The following PTBP3 variants were observed in gnomAD, a reference collection of about 807,000 sequenced individuals.
The protein encoded by PTBP3 is polypyrimidine tract binding protein 3, also known as polypyrimidine tract-binding protein 3.
Under a neutral mutation model 58.7 loss-of-function variants are expected in PTBP3, and 20 were observed. The observed-to-expected ratio is 0.34, with a 90% CI of 0.24 to 0.50. The LOEUF is 0.50. PTBP3 is among the 20% of genes least tolerant of loss of function. The pLI, the probability that PTBP3 is intolerant of heterozygous loss-of-function variation, is 0.98. For missense variants in PTBP3, 509 were observed against 637.2 expected, an observed-to-expected ratio of 0.80 and a Z score of 2.17; for synonymous variants, 185 against 219.8, an observed-to-expected ratio of 0.84 and a Z score of 1.40.
chr9:112,307,487 A>G (rs1829270601), intron 1 of PTBP3, among the ~76,000 whole-genome samples: 2 of 152,272 alleles, frequency 1.3e-5, no homozygotes, highest in South Asian at 4.2e-4. Flanking sequence ...AAGATCATAA[A>G]GTTTCATTCC....
rs551817563 is a variant in PTBP3 at position 112,241,394 on chromosome 9, T to C, written c.803-6497A>G. 1.2e-4 allele frequency among the ~76,000 whole-genome samples: 18 copies of C among 152,308 alleles called. No individual in the cohort carries two copies. The East Asian group carries it at 3.5e-3, about 29-fold the overall frequency. ...GCTGGGATTACAGGGTGAGCCACCA[T>C]GCCTGGGCAAGCTAAGGCTAATTTA... On this transcript the variant is annotated intron_variant, in intron 7 of 13. Coordinates refer to ENST00000374257, the MANE Select transcript of PTBP3 (RefSeq NM_001163788.4).
At position 112,227,704 on chromosome 9, in the gene PTBP3, A is replaced by G; in HGVS notation, c.1148-77T>C. ...AGTAGTATCTGACAACATTACCATA[A>G]ATTATTTTTATGTAGTTATTTAAAA... On this transcript the variant is annotated intron_variant, in intron 11 of 13. Coordinates refer to ENST00000374257, the MANE Select transcript of PTBP3 (RefSeq NM_001163788.4). 3 of 1,110,130 alleles carry G rather than the reference A, an allele frequency of 2.7e-6. No individual in the cohort carries two copies. In the South Asian group the frequency reaches 4.0e-5, roughly 15 times the overall value. 68.8% of individuals were successfully genotyped at this position (1,110,130 alleles called of 1,614,324 possible). A position where few individuals can be genotyped will look rare whatever the true frequency, so the allele number is the denominator to read the frequency against.
At chr9:112,285,648 CAAAT>C (rs1828079008) in intron 2 of PTBP3, among the ~76,000 whole-genome samples, 1 of 152,178 alleles carries the variant, frequency 6.6e-6, no homozygotes, top group Admixed American at 6.5e-5. Flanking sequence ...CAGCTATAAA[CAAAT>C]AATATAACTG....
intron 1 of PTBP3, among the ~76,000 whole-genome samples, chr9:112,321,364 A>G (rs1829940054): frequency 6.6e-6 from 1 of 151,740 alleles, no homozygotes; most frequent in African/African-American, 2.4e-5. Flanking sequence ...CCTTGTCTCT[A>G]TTAAAAATAT....
At chr9:112,326,488 CAAGCAAACAGA>C (rs1830162397) in intron 1 of PTBP3, among the ~76,000 whole-genome samples, 1 of 152,200 alleles carries the variant, frequency 6.6e-6, no homozygotes. Context: ...AACCCTTGGT[CAAGCAAACAGA>C]AAACTAATCC....
chr9:112,320,314 A>ATATATATATATATATTTTTTTT, intron 1 of PTBP3, among the ~76,000 whole-genome samples: 16 of 75,676 alleles, frequency 2.1e-4, no homozygotes, highest in South Asian at 4.9e-4. Context: ...ATATATATAT[A>ATATATATATATATATTTTTTTT]TTTTTTTTTA....
intron 4 of PTBP3, among the ~76,000 whole-genome samples, chr9:112,265,641 T>C (rs1298830165): frequency 6.6e-6 from 1 of 152,142 alleles, no homozygotes; most frequent in Non-Finnish European, 1.5e-5. Flanking sequence ...ATGCATAGCA[T>C]GTGAGCAGCA....
At chr9:112,311,378 G>A (rs144827245) in intron 1 of PTBP3, among the ~76,000 whole-genome samples, 30 of 152,032 alleles carry the variant, frequency 2.0e-4, no homozygotes, top group African/African-American at 5.5e-4. Flanking sequence ...GCATTAAATC[G>A]TATTATAAAT....
chr9:112,343,515 C>T, the PTBP3 span, among the ~76,000 whole-genome samples: 20 of 152,284 alleles, frequency 1.3e-4, no homozygotes, highest in African/African-American at 4.6e-4. Flanking sequence ...TGCAGCTGGG[C>T]GTGGTGGCTC....
chr9:112,272,843 T>C (rs138614531), intron 3 of PTBP3: 3 of 152,266 alleles, frequency 2.0e-5, no homozygotes, highest in Non-Finnish European at 2.9e-5. Context: ...ACAAGAGCAT[T>C]TAATTAGCAA....
At chr9:112,243,873 A>G (rs1835760874) in intron 7 of PTBP3, among the ~76,000 whole-genome samples, 1 of 152,224 alleles carries the variant, frequency 6.6e-6, no homozygotes, top group African/African-American at 2.4e-5. Flanking sequence ...CATAGAAAGA[A>G]AGAGAAATGC....
At chr9:112,289,569 C>G (rs935596430) in intron 2 of PTBP3, among the ~76,000 whole-genome samples, 14 of 152,160 alleles carry the variant, frequency 9.2e-5, no homozygotes, top group African/African-American at 1.4e-4. Flanking sequence ...TTGCTTGAGC[C>G]CAGAAGTTTG....
chr9:112,361,849 C>T, the PTBP3 span, among the ~76,000 whole-genome samples: 1 of 152,204 alleles, frequency 6.6e-6, no homozygotes, highest in African/African-American at 2.4e-5. Flanking sequence ...CCATTTTATA[C>T]TTCCACCAGT....
intron 4 of PTBP3, among the ~76,000 whole-genome samples, chr9:112,263,010 C>G (rs1294417200): frequency 1.3e-5 from 2 of 152,038 alleles, no homozygotes; most frequent in African/African-American, 4.8e-5. Flanking sequence ...CCAAGGCACT[C>G]TAAAAGAATA....
At chr9:112,342,729 A>AAAGAAG in the PTBP3 span, among the ~76,000 whole-genome samples, 582 of 150,966 alleles carry the variant, frequency 3.9e-3, no homozygotes, top group African/African-American at 0.012. Flanking sequence ...AAAGAAAAAC[A>AAAGAAG]AAGAAGAAGA....
At position 112,312,468 on chromosome 9, in the gene PTBP3, G is replaced by A. The variant is rs550721295; in HGVS notation, c.-51-14552C>T. Among the ~76,000 whole-genome samples, 60 of 142,156 alleles carry A rather than the reference G, an allele frequency of 4.2e-4. No homozygotes were observed. The South Asian group carries it at 5.9e-3, about 14-fold the overall frequency. 93.3% of individuals were successfully genotyped at this position (142,156 alleles called of 152,430 possible). A position where few individuals can be genotyped will look rare whatever the true frequency, so the allele number is the denominator to read the frequency against. On this transcript the variant is annotated intron_variant, in intron 1 of 13. Coordinates refer to ENST00000374257, the MANE Select transcript of PTBP3 (RefSeq NM_001163788.4). ...TCTGTGTTCATACCACTGAATGAAC[G>A]AGACCTTGTTTTTTTTTTTGTTTTT...
rs907343331 is a variant in PTBP3 at position 112,223,079 on chromosome 9, T to C, written c.*772A>G. On this transcript the variant is annotated 3_prime_UTR_variant, in exon 14 of 14. Coordinates refer to ENST00000374257, the MANE Select transcript of PTBP3 (RefSeq NM_001163788.4). Reference sequence around the variant, plus strand: ...TTGACAAATAAGTGTCATTTTGAAATTTAAAACATGATTTTTTCCTAATAA... The same window carrying C: ...TTGACAAATAAGTGTCATTTTGAAACTTAAAACATGATTTTTTCCTAATAA... The C allele has an allele frequency of 1.2e-6, 1 of 863,752 alleles. No homozygotes were observed. Among genetic ancestry groups the C allele is most frequent in the Non-Finnish European group, 1.4e-6 (1 of 719,006 alleles). The allele number at this position is 863,752 out of a possible 1,614,324, so 53.5% of individuals were successfully genotyped here.
chr9:112,372,455 T>C, the PTBP3 span, among the ~76,000 whole-genome samples: 1 of 152,228 alleles, frequency 6.6e-6, no homozygotes, highest in Non-Finnish European at 1.5e-5. Context: ...GAAATTTTCA[T>C]TGACATTTAG....
At chr9:112,278,557 G>A (rs1178541578) in intron 2 of PTBP3, among the ~76,000 whole-genome samples, 3 of 152,150 alleles carry the variant, frequency 2.0e-5, no homozygotes, top group East Asian at 1.9e-4. Flanking sequence ...GAGAAAATGC[G>A]AATACCGAAC....
Sources: allele counts gnomAD v4.1 joint callset (sites outside exome capture counted in the v4.1 genomes callset), GRCh38; gene constraint gnomAD v4.1.1; transcripts MANE v1.5; gene names NCBI Gene and HGNC (gene_info 2026-07-23, HGNC 2026-07-21).